Variants in KCNU1 observed in about 807,000 individuals in gnomAD.
KCNU1 encodes potassium calcium-activated channel subfamily U member 1, also known as potassium channel subfamily U member 1.
A neutral mutation model predicts 126.8 loss-of-function variants in KCNU1; 93 were observed. The ratio of observed to expected loss-of-function variants is 0.73; its 90% CI spans 0.62 to 0.87. The LOEUF (loss-of-function observed/expected upper bound fraction) is 0.87, where lower values mean the gene tolerates loss of function less well. KCNU1 is among the 40% of genes least tolerant of loss of function. The pLI is 0.00. For missense variants in KCNU1, 1,330 were observed against 1,367.1 expected, an observed-to-expected ratio of 0.97 and a Z score of 0.43; for synonymous variants, 523 against 494.2, an observed-to-expected ratio of 1.06 and a Z score of -0.77.
At chr8:36,858,518 T>C (rs1393953725) in intron 18 of KCNU1, among the ~76,000 whole-genome samples, 1 of 152,158 alleles carries the variant, frequency 6.6e-6, no homozygotes, top group Non-Finnish European at 1.5e-5. Context: ...AAATTTAGTA[T>C]AGTTTCATGC....
intron 19 of KCNU1, among the ~76,000 whole-genome samples, chr8:36,878,577 G>A (rs1806354856): frequency 1.3e-5 from 2 of 152,110 alleles, no homozygotes; most frequent in Non-Finnish European, 2.9e-5. Context: ...GTTATATCAG[G>A]AAATGGAGAC....
chr8:36,793,272 A>G (rs1375105302), intron 2 of KCNU1, among the ~76,000 whole-genome samples: 1 of 152,088 alleles, frequency 6.6e-6, no homozygotes, highest in African/African-American at 2.4e-5. Flanking sequence ...GTTAATGGGT[A>G]CCACACACCA....
chr8:36,791,840 C>A (rs563090678), intron 2 of KCNU1, among the ~76,000 whole-genome samples: 1 of 152,164 alleles, frequency 6.6e-6, no homozygotes, highest in South Asian at 2.1e-4. Context: ...TGAAAATAAA[C>A]CTTTTCCACC....
chr8:36,877,361 G>A (rs1428150890), intron 19 of KCNU1, among the ~76,000 whole-genome samples: 1 of 149,004 alleles, frequency 6.7e-6, no homozygotes, highest in Non-Finnish European at 1.5e-5. Flanking sequence ...AGAGTGCAAT[G>A]GCATGGTCTT....
chr8:36,894,484 T>C (rs1339747603), intron 19 of KCNU1, among the ~76,000 whole-genome samples: 1 of 152,132 alleles, frequency 6.6e-6, no homozygotes, highest in Non-Finnish European at 1.5e-5. Flanking sequence ...TACCTAGTAC[T>C]ATTAACCTTT....
chr8:36,795,427 C>T (rs1361347704), intron 2 of KCNU1: 1 of 152,600 alleles, frequency 6.6e-6, no homozygotes, highest in South Asian at 2.1e-4. Context: ...CCCTTCAAGG[C>T]CAGGAAGTGG....
intron 19 of KCNU1, among the ~76,000 whole-genome samples, chr8:36,883,530 T>G (rs1214280520): frequency 6.6e-6 from 1 of 152,170 alleles, no homozygotes; most frequent in Non-Finnish European, 1.5e-5. Context: ...ATGCCTGTAA[T>G]CCCAGCACTT....
chr8:36,865,179 C>T (rs570115464), intron 19 of KCNU1, among the ~76,000 whole-genome samples: 6 of 152,076 alleles, frequency 3.9e-5, no homozygotes, highest in South Asian at 4.2e-4. Context: ...ATCAAAGAGT[C>T]GTTATACTGT....
intron 16 of KCNU1, 84 bp from the exon 17 acceptor site, chr8:36,845,496 C>G (rs1223939182): frequency 1.4e-6 from 1 of 737,616 alleles, no homozygotes; most frequent in African/African-American, 1.8e-5. Context: ...TCAGAGAATC[C>G]ATTGATCATA....
At chr8:36,798,617 C>A (rs867111300) in intron 2 of KCNU1, among the ~76,000 whole-genome samples, 8 of 152,206 alleles carry the variant, frequency 5.3e-5, no homozygotes, top group Non-Finnish European at 1.2e-4. Context: ...GAACCTTGGT[C>A]TCCACAGTCT....
intron 10 of KCNU1, among the ~76,000 whole-genome samples, chr8:36,821,100 G>C (rs1035330488): frequency 9.9e-5 from 15 of 152,120 alleles, no homozygotes; most frequent in African/African-American, 3.6e-4. Context: ...AAAAAGAAAT[G>C]CTTCTGAGCC....
chr8:36,861,595 A>G (rs1585475652), intron 18 of KCNU1, among the ~76,000 whole-genome samples: 2 of 152,200 alleles, frequency 1.3e-5, no homozygotes, highest in African/African-American at 4.8e-5. Context: ...AGTGGTTTTT[A>G]TCTAGAATAT....
At chr8:36,802,178 G>A (rs1223351912) in intron 2 of KCNU1, among the ~76,000 whole-genome samples, 1 of 148,252 alleles carries the variant, frequency 6.7e-6, no homozygotes, top group Non-Finnish European at 1.5e-5. Context: ...CACTTACAAA[G>A]CTCTTGAAAG....
intron 2 of KCNU1, among the ~76,000 whole-genome samples, chr8:36,800,855 C>A (rs1803277280): frequency 6.6e-6 from 1 of 152,206 alleles, no homozygotes; most frequent in Non-Finnish European, 1.5e-5. Context: ...AAGAAAACTG[C>A]AGTAGAGTTC....
chr8:36,870,798 G>A (rs1033105582), intron 19 of KCNU1, among the ~76,000 whole-genome samples: 3 of 152,050 alleles, frequency 2.0e-5, no homozygotes, highest in African/African-American at 7.2e-5. Flanking sequence ...ATTCATATAA[G>A]CCTACTGAGT....
intron 7 of KCNU1, 84 bp downstream of exon 7, chr8:36,808,877 C>T (rs1585399251): frequency 2.1e-6 from 2 of 936,060 alleles, no homozygotes; most frequent in East Asian, 5.2e-5. Flanking sequence ...CTGCTGAGCC[C>T]CTGTCTCCAT....
intron 22 of KCNU1, among the ~76,000 whole-genome samples, chr8:36,916,757 G>A (rs1174560249): frequency 6.6e-6 from 1 of 152,140 alleles, no homozygotes; most frequent in Non-Finnish European, 1.5e-5. Context: ...GAAAAATTTT[G>A]CGAAATTCTG....
At chr8:36,789,342 C>A (rs867117077) in intron 2 of KCNU1, among the ~76,000 whole-genome samples, 1 of 151,394 alleles carries the variant, frequency 6.6e-6, no homozygotes, top group Admixed American at 6.6e-5. Flanking sequence ...CCAGCCTAGG[C>A]GACAGAGAGA....
chr8:36,851,307 C>T (rs1452052316), intron 18 of KCNU1, among the ~76,000 whole-genome samples: 7 of 152,140 alleles, frequency 4.6e-5, no homozygotes, highest in South Asian at 4.2e-4. Flanking sequence ...GGGATGGTTT[C>T]CCCCACGTTG....
Sources: gnomAD v4.1 joint callset for allele counts (sites outside exome capture counted in the v4.1 genomes callset) on GRCh38, gnomAD v4.1.1 for gene constraint, MANE v1.5 for transcripts, NCBI Gene and HGNC (gene_info 2026-07-23, HGNC 2026-07-21) for gene names.